CMTM4: variants seen among roughly 807,000 people sequenced by gnomAD.
CMTM4 encodes CKLF-like MARVEL transmembrane domain-containing protein 4.
A neutral mutation model predicts 19.0 loss-of-function variants in CMTM4; 8 were observed. That is an observed-to-expected ratio of 0.42 (90% CI 0.25 to 0.76). The LOEUF (loss-of-function observed/expected upper bound fraction) is 0.76. Among genes scored for constraint, CMTM4 ranks in the 30% least tolerant of loss-of-function variants. CMTM4 has a pLI of 0.27. For synonymous variants in CMTM4, 106 were observed against 121.1 expected (o/e 0.88, Z 0.82); for missense variants, 228 against 290.2 (o/e 0.79, Z 1.56).
chr16:66,654,838 G>A (rs1004829447), intron 1 of CMTM4, among the ~76,000 whole-genome samples: 1 of 152,196 alleles, frequency 6.6e-6, no homozygotes, highest in Non-Finnish European at 1.5e-5. Context: ...TTTGCACCAT[G>A]CCCAAGAGTG....
Position 66,617,522 on chromosome 16 carries a change from T to C in CMTM4, c.*4536A>G, listed in dbSNP as rs964864696. 2.2e-6 allele frequency: 3 copies of C among 1,381,532 alleles called. No individual in the cohort carries two copies. The African/African-American group carries it at 4.4e-5, about 20-fold the overall frequency. The allele number at this position is 1,381,532 out of a possible 1,614,324, so 85.6% of individuals were successfully genotyped here. A position where few individuals can be genotyped will look rare whatever the true frequency, so the allele number is the denominator to read the frequency against. ...GCATGAAGAAGAATTAAACAGAACA[T>C]TCACTTTCGGAAGAAAATTTTTCTA... On this transcript the variant is annotated 3_prime_UTR_variant, in exon 4 of 4. Coordinates refer to ENST00000394106, the MANE Select transcript of CMTM4 (RefSeq NM_181521.3).
At chr16:66,607,642 G>A in the CMTM4 span, among the ~76,000 whole-genome samples, 2 of 152,102 alleles carry the variant, frequency 1.3e-5, no homozygotes, top group Non-Finnish European at 2.9e-5. Flanking sequence ...TTGGTGTTGG[G>A]TGTTACTTTT....
intron 1 of CMTM4, among the ~76,000 whole-genome samples, chr16:66,666,826 C>T (rs973951479): frequency 6.6e-6 from 1 of 152,140 alleles, no homozygotes; most frequent in Non-Finnish European, 1.5e-5. Context: ...AAACAGAAAA[C>T]CAAATACCAC....
chr16:66,691,762 A>C (rs1394293171), intron 1 of CMTM4, among the ~76,000 whole-genome samples: 3 of 152,232 alleles, frequency 2.0e-5, no homozygotes, highest in African/African-American at 7.2e-5. Context: ...ATAATGTTTC[A>C]GATTAGCTTT....
chr16:66,617,344 G>A lies in CMTM4; in HGVS notation c.*4714C>T, dbSNP rs762042681. On this transcript the variant is annotated 3_prime_UTR_variant, in exon 4 of 4. Transcript: ENST00000394106. ...TGATTTTTTCCTTACTGTTACGTTT[G>A]TGGAGTAGGAAAAACTAGAAAGGAA... The A allele has an allele frequency of 6.2e-7, 1 of 1,613,564 alleles. No homozygotes were observed. The highest frequency in any genetic ancestry group is 1.1e-5 in the South Asian group (1 of 90,918).
At chr16:66,655,562 T>C (rs1240335277) in intron 1 of CMTM4, among the ~76,000 whole-genome samples, 1 of 151,968 alleles carries the variant, frequency 6.6e-6, no homozygotes, top group African/African-American at 2.4e-5. Flanking sequence ...TATGTGTGTG[T>C]GTGTGTTTAT....
chr16:66,686,245 T>C (rs1596964542), intron 1 of CMTM4, among the ~76,000 whole-genome samples: 1 of 119,420 alleles, frequency 8.4e-6, no homozygotes. Flanking sequence ...AGAGCAAGAT[T>C]CCGTCTCCAA....
At chr16:66,642,183 A>G (rs2016107656) in intron 1 of CMTM4, among the ~76,000 whole-genome samples, 1 of 152,224 alleles carries the variant, frequency 6.6e-6, no homozygotes, top group South Asian at 2.1e-4. Flanking sequence ...AAGGGCTCAG[A>G]TAAAGTGATA....
At chr16:66,663,058 T>A (rs867413364) in intron 1 of CMTM4, among the ~76,000 whole-genome samples, 4 of 152,284 alleles carry the variant, frequency 2.6e-5, no homozygotes, top group South Asian at 4.1e-4. Context: ...TGAAACAGAA[T>A]TGATATTGAA....
intron 1 of CMTM4, among the ~76,000 whole-genome samples, chr16:66,646,827 C>T (rs1054507260): frequency 2.0e-5 from 3 of 151,892 alleles, no homozygotes; most frequent in Non-Finnish European, 2.9e-5. Context: ...CTGCCTCAGC[C>T]TCCTGAGTAG....
the CMTM4 span, chr16:66,604,853 C>A: frequency 1.5e-6 from 2 of 1,368,274 alleles, no homozygotes; most frequent in African/African-American, 1.5e-5. Context: ...AGCCTGCCGG[C>A]GGCTCCCGTC....
At chr16:66,641,405 G>C (rs1596923213) in intron 1 of CMTM4, among the ~76,000 whole-genome samples, 1 of 152,146 alleles carries the variant, frequency 6.6e-6, no homozygotes, top group Admixed American at 6.5e-5. Context: ...ATATCAGGGA[G>C]GGAAAACTCT....
chr16:66,598,580 C>T, the CMTM4 span, among the ~76,000 whole-genome samples: 2 of 152,042 alleles, frequency 1.3e-5, no homozygotes, highest in East Asian at 3.9e-4. Context: ...TTCTCCTGCC[C>T]CCACCGCAGG....
chr16:66,612,352 G>A (rs1452719026), downstream of CMTM4, among the ~76,000 whole-genome samples: 2 of 152,142 alleles, frequency 1.3e-5, no homozygotes, highest in African/African-American at 2.4e-5. This position sits in a 1 kb window ranked among gnomAD's most constrained non-coding sequence, Gnocchi z 6.0. Flanking sequence ...TCCAGCCTGG[G>A]TGATGAGCAA....
Position 66,619,476 on chromosome 16 carries a change from A to G in CMTM4, c.*2582T>C. ...AGGTCGCTCAGCCTTCAAATGCCCC[A>G]AACCAAACTGATATTGGTCCCTATT... On this transcript the variant is annotated 3_prime_UTR_variant, in exon 4 of 4. Transcript: ENST00000394106. 1.0e-6 allele frequency: 1 copy of G among 985,492 alleles called. No individual in the cohort carries two copies. Among genetic ancestry groups the G allele is most frequent in the Non-Finnish European group, 1.2e-6 (1 of 829,942 alleles). 61.0% of individuals were successfully genotyped at this position (985,492 alleles called of 1,614,324 possible).
At chr16:66,625,583 A>G (rs1057499140) in intron 2 of CMTM4, among the ~76,000 whole-genome samples, 1 of 152,212 alleles carries the variant, frequency 6.6e-6, no homozygotes, top group Non-Finnish European at 1.5e-5. Context: ...AAATACAGGG[A>G]AAAAATATGT....
intron 1 of CMTM4, among the ~76,000 whole-genome samples, chr16:66,645,446 C>T (rs750556343): frequency 2.0e-5 from 3 of 151,408 alleles, no homozygotes; most frequent in Admixed American, 6.6e-5. Context: ...GGCATGGTGG[C>T]GGGCACATAT....
intron 1 of CMTM4, among the ~76,000 whole-genome samples, chr16:66,657,060 G>T (rs1200207482): frequency 2.7e-5 from 4 of 150,844 alleles, no homozygotes; most frequent in Non-Finnish European, 4.4e-5. Context: ...TTAGCTAAGA[G>T]TACTGAATCA....
chr16:66,617,754 TGA>T lies in CMTM4; in HGVS notation c.*4302_*4303del. ...GAGGGTGTCAGGCCTGCGTCCTGTC[TGA>T]GATGGCAGCCAAGCCAGCTTCAGAG... On this transcript the variant is annotated 3_prime_UTR_variant, in exon 4 of 4. Coordinates refer to ENST00000394106, the MANE Select transcript of CMTM4 (RefSeq NM_181521.3). 3.0e-6 allele frequency: 3 copies of T among 1,007,730 alleles called. No homozygotes were observed. Among genetic ancestry groups the T allele is most frequent in the Non-Finnish European group, 3.6e-6 (3 of 844,454 alleles). The allele number at this position is 1,007,730 out of a possible 1,614,324, so 62.4% of individuals were successfully genotyped here. A position where few individuals can be genotyped will look rare whatever the true frequency, so the allele number is the denominator to read the frequency against.
Sources: gnomAD v4.1 joint callset for allele counts (sites outside exome capture counted in the v4.1 genomes callset) on GRCh38, gnomAD v4.1.1 for gene constraint, Gnocchi (gnomAD v3.1) non-coding constraint, MANE v1.5 for transcripts, NCBI Gene and HGNC (gene_info 2026-07-23, HGNC 2026-07-21) for gene names.